Variants in CA5A observed in about 807,000 individuals in gnomAD.
CA5A encodes the protein carbonic anhydrase 5A, mitochondrial.
Under a neutral mutation model 37.1 loss-of-function variants are expected in CA5A, and 28 were observed. The observed-to-expected ratio is 0.75, with a 90% CI of 0.56 to 1.03. The LOEUF is 1.03. CA5A is among the 50% of genes least tolerant of loss of function. The pLI is 0.00. For missense variants in CA5A, 444 were observed against 399.9 expected, an observed-to-expected ratio of 1.11 and a Z score of -0.94; for synonymous variants, 171 against 158.4, an observed-to-expected ratio of 1.08 and a Z score of -0.60.
chr16:87,907,469 C>T (rs760910982), intron 2 of CA5A, among the ~76,000 whole-genome samples: 3 of 152,210 alleles, frequency 2.0e-5, no homozygotes, highest in Non-Finnish European at 2.9e-5. Context: ...GATAAGTTTA[C>T]TGTGTGGAAA....
chr16:87,935,170 A>G (rs1205986092), intron 1 of CA5A, among the ~76,000 whole-genome samples: 1 of 152,220 alleles, frequency 6.6e-6, no homozygotes, highest in Non-Finnish European at 1.5e-5. Flanking sequence ...TGCTCTTTCA[A>G]TGGCCCAAAC....
chr16:87,900,952 G>A (rs541347733), intron 5 of CA5A, among the ~76,000 whole-genome samples: 37 of 152,368 alleles, frequency 2.4e-4, no homozygotes, highest in South Asian at 4.1e-4. Flanking sequence ...TAGGCTGGGC[G>A]CGGTGATTCA....
At chr16:87,920,118 C>T (rs1597577377) in intron 2 of CA5A, among the ~76,000 whole-genome samples, 4 of 152,160 alleles carry the variant, frequency 2.6e-5, no homozygotes, top group African/African-American at 7.2e-5. Flanking sequence ...ATGGACGAGG[C>T]TGAGCTGCAG....
Position 87,911,099 on chromosome 16 carries a change from C to CAAA in CA5A, c.341-6198_341-6196dup, listed in dbSNP as rs11314702. Among the ~76,000 whole-genome samples the CAAA allele has an allele frequency of 1.0e-3, 99 of 96,498 alleles. No individual in the cohort carries two copies. Among genetic ancestry groups the CAAA allele is most frequent in the African/African-American group, 3.1e-3 (91 of 29,738 alleles). The allele number at this position is 96,498 out of a possible 152,430, so 63.3% of individuals were successfully genotyped here. A position where few individuals can be genotyped will look rare whatever the true frequency, so the allele number is the denominator to read the frequency against. On this transcript the variant is annotated intron_variant, in intron 2 of 6. Coordinates refer to ENST00000649794, the MANE Select transcript of CA5A (RefSeq NM_001739.2). The surrounding 1 kb of genome is among the most constrained non-coding windows in gnomAD (Gnocchi z 4.6). ...ACAATGTCAGGGTATTCTCCTTAAT[C>CAAA]AAAAAAAAAAAAAAAAAAAAAGGCA...
chr16:87,895,151 G>A (rs961388216), intron 5 of CA5A, among the ~76,000 whole-genome samples: 6 of 152,230 alleles, frequency 3.9e-5, no homozygotes, highest in African/African-American at 1.2e-4. Context: ...TTGGGAGGCT[G>A]AGGTGGGAGG....
Position 87,888,195 on chromosome 16 carries a change from A to C in CA5A, c.852T>G (p.Leu284=), listed in dbSNP as rs763044826. The C allele has an allele frequency of 3.7e-6, 6 of 1,613,946 alleles. No individual in the cohort carries two copies. Among genetic ancestry groups the C allele is most frequent in the Non-Finnish European group, 5.1e-6 (6 of 1,179,850 alleles). ...AGACCTTCCGGTTCATCAAGGGTTG[A>C]AGTGGGCGATAGTTGTTCACCATCA... The part of the protein sequence containing the change: ...EKMMVNNYRP[L]QPLMNRKVWA... The change falls in exon 7 of 7, where the codon CTT becomes CTG. Residue 284 remains leucine, a synonymous_variant. Coordinates refer to ENST00000649794, the MANE Select transcript of CA5A (RefSeq NM_001739.2).
intron 5 of CA5A, 107 bp from the exon 6 acceptor site, chr16:87,892,061 C>T: frequency 9.3e-7 from 1 of 1,080,472 alleles, no homozygotes. Context: ...GAAGTGCTTT[C>T]CCCCAGATAA....
chr16:87,889,445 C>T (rs1009296568), intron 6 of CA5A, among the ~76,000 whole-genome samples: 1 of 152,028 alleles, frequency 6.6e-6, no homozygotes, highest in Middle Eastern at 3.2e-3. Flanking sequence ...GCTAAAGTAA[C>T]ATTTGAATTT....
At position 87,927,004 on chromosome 16, in the gene CA5A, C is replaced by T. The variant is rs989560667; in HGVS notation, c.143-59G>A. ...CATGAGCTTCATCCTGTGTCTTGGACGGACAGGGCAGAAACCCGGCCGCAC... is the reference window on the plus strand; with the variant it reads ...CATGAGCTTCATCCTGTGTCTTGGATGGACAGGGCAGAAACCCGGCCGCAC... On this transcript the variant is annotated intron_variant, in intron 1 of 6. Coordinates refer to ENST00000649794, the MANE Select transcript of CA5A (RefSeq NM_001739.2). 5.5e-5 allele frequency: 67 copies of T among 1,213,362 alleles called. 1 individual carries two copies. Among genetic ancestry groups the T allele is most frequent in the Non-Finnish European group, 6.6e-5 (56 of 852,470 alleles). The allele number at this position is 1,213,362 out of a possible 1,614,324, so 75.2% of individuals were successfully genotyped here. A position where few individuals can be genotyped will look rare whatever the true frequency, so the allele number is the denominator to read the frequency against.
rs868188507 is a variant in CA5A at position 87,893,661 on chromosome 16, G to A, written c.619-1707C>T. On this transcript the variant is annotated intron_variant, in intron 5 of 6. Transcript: ENST00000649794. ...TGCCCCTGGTGCCGACAAGATAGCCGAGGCTCGGGCTGGGTCAGCAACCGA... is the reference window on the plus strand; with the variant it reads ...TGCCCCTGGTGCCGACAAGATAGCCAAGGCTCGGGCTGGGTCAGCAACCGA... 8.2e-5 allele frequency: 49 copies of A among 597,956 alleles called. 1 individual carries two copies. The highest frequency in any genetic ancestry group is 6.9e-4 in the South Asian group (48 of 69,480). The allele number at this position is 597,956 out of a possible 1,614,324, so 37.0% of individuals were successfully genotyped here.
chr16:87,929,381 G>A (rs909021324), intron 1 of CA5A, among the ~76,000 whole-genome samples: 5 of 150,334 alleles, frequency 3.3e-5, no homozygotes, highest in African/African-American at 1.2e-4. Context: ...GAATCTGGGA[G>A]GCGGAGATTG....
At chr16:87,889,176 C>T (rs1342511835) in intron 6 of CA5A, among the ~76,000 whole-genome samples, 1 of 152,064 alleles carries the variant, frequency 6.6e-6, no homozygotes, top group African/African-American at 2.4e-5. Flanking sequence ...GCCTCGGCCT[C>T]CCAAAGTACT....
rs73239049 is a variant in CA5A at position 87,911,692 on chromosome 16, C to T, written c.341-6788G>A. On this transcript the variant is annotated intron_variant, in intron 2 of 6. Coordinates refer to ENST00000649794, the MANE Select transcript of CA5A (RefSeq NM_001739.2). This position sits in a 1 kb window ranked among gnomAD's most constrained non-coding sequence, Gnocchi z 4.6. ...GCAAGCCCCTGCCCACAGAACTCCG[C>T]GACGATGGAACCTAGACTGCTCCCT... is the stretch of plus-strand genomic sequence containing the variant. Among the ~76,000 whole-genome samples, 273 of 152,220 alleles carry T rather than the reference C, an allele frequency of 1.8e-3. No homozygotes were observed. Among genetic ancestry groups the T allele is most frequent in the African/African-American group, 6.3e-3 (261 of 41,524 alleles).
intron 2 of CA5A, chr16:87,923,942 G>T (rs1597581431): frequency 1.0e-6 from 1 of 984,964 alleles, no homozygotes; most frequent in Non-Finnish European, 1.2e-6. Flanking sequence ...ATATTTTGAA[G>T]TGGCTGCATG....
intron 2 of CA5A, among the ~76,000 whole-genome samples, chr16:87,915,315 C>G (rs1431831230): frequency 6.6e-6 from 1 of 152,088 alleles, no homozygotes; most frequent in Non-Finnish European, 1.5e-5. Context: ...TTATAAACTT[C>G]CAAAGGAAAC....
chr16:87,930,078 C>G (rs1186345894), intron 1 of CA5A, among the ~76,000 whole-genome samples: 6 of 152,062 alleles, frequency 3.9e-5, no homozygotes, highest in African/African-American at 1.4e-4. Flanking sequence ...TTAATTTTCT[C>G]TCTTGGTTTT....
At chr16:87,883,520 C>T (rs58968563), downstream of CA5A, 20,291 of 151,082 alleles carry the variant, frequency 0.13, 1,867 homozygotes, top group African/African-American at 0.27. Context: ...TTAGTAGAGA[C>T]GGGGTTTCAC....
At chr16:87,914,453 C>A (rs1438647154) in intron 2 of CA5A, among the ~76,000 whole-genome samples, 2 of 152,226 alleles carry the variant, frequency 1.3e-5, no homozygotes, top group African/African-American at 4.8e-5. Flanking sequence ...GACCCCCAGC[C>A]CCACGAGCTT....
chr16:87,907,695 T>C (rs1397522756), intron 2 of CA5A, among the ~76,000 whole-genome samples: 6 of 151,978 alleles, frequency 3.9e-5, no homozygotes, highest in African/African-American at 1.4e-4. Flanking sequence ...GAGGCCAAGG[T>C]AGGCAGATCA....
Sources: allele counts gnomAD v4.1 joint callset (sites outside exome capture counted in the v4.1 genomes callset), GRCh38; gene constraint gnomAD v4.1.1; non-coding constraint Gnocchi (gnomAD v3.1); transcripts MANE v1.5; gene names NCBI Gene and HGNC (gene_info 2026-07-23, HGNC 2026-07-21).